CFAP69: variants seen among roughly 807,000 people sequenced by gnomAD.
CFAP69 encodes cilia and flagella associated protein 69.
A neutral mutation model predicts 123.0 loss-of-function variants in CFAP69; 92 were observed. The observed-to-expected ratio is 0.75, with a 90% CI of 0.63 to 0.89. The LOEUF (loss-of-function observed/expected upper bound fraction) is 0.89, where lower values mean the gene tolerates loss of function less well. CFAP69 is among the 40% of genes least tolerant of loss of function. The probability of loss-of-function intolerance (pLI) is 0.00; values close to 1 mark genes in which losing one functional copy is unlikely to be tolerated. For missense variants in CFAP69, 1,067 were observed against 1,096.9 expected (o/e 0.97, Z 0.39); for synonymous variants, 380 against 364.3 (o/e 1.04, Z -0.49).
chr7:90,261,082 ATT>A (rs372399718), intron 3 of CFAP69, among the ~76,000 whole-genome samples: 2 of 145,884 alleles, frequency 1.4e-5, no homozygotes. Flanking sequence ...TGCCAATAGG[ATT>A]TTTTTTTTTT....
chr7:90,317,501 T>C, the CFAP69 span: 2 of 152,042 alleles, frequency 1.3e-5, no homozygotes, highest in Non-Finnish European at 1.5e-5. Flanking sequence ...AGGAAATTAT[T>C]AGCCCTACAA....
In CFAP69 at chr7:90,245,304, G is replaced by T. The variant is rs1796193647; in HGVS notation, c.-121G>T. On this transcript the variant is annotated 5_prime_UTR_variant, in exon 1 of 23. Transcript: ENST00000389297. Reference sequence around the variant, plus strand: ...CTGGCGGAATTTTGGGACCTTTCGCGACTCTAGCGACTCTCAGGCTGCCTT... The same window carrying T: ...CTGGCGGAATTTTGGGACCTTTCGCTACTCTAGCGACTCTCAGGCTGCCTT... The T allele has an allele frequency of 1.5e-6, 2 of 1,347,174 alleles. No individual in the cohort carries two copies. The highest frequency in any genetic ancestry group is 1.8e-5 in the South Asian group (1 of 56,986). The allele number at this position is 1,347,174 out of a possible 1,614,324, so 83.5% of individuals were successfully genotyped here. A position where few individuals can be genotyped will look rare whatever the true frequency, so the allele number is the denominator to read the frequency against.
chr7:90,275,664 C>T (rs1788500832), intron 9 of CFAP69, among the ~76,000 whole-genome samples: 1 of 128,086 alleles, frequency 7.8e-6, no homozygotes, highest in Non-Finnish European at 1.6e-5. Flanking sequence ...TGCAGTGGCG[C>T]GATCTCAGCT....
Position 90,271,638 on chromosome 7 carries a change from T to C in CFAP69, c.645T>C (p.Leu215=), listed in dbSNP as rs1404925844. Reference sequence around the variant, plus strand: ...TTGAAAATCAACTTGTTGAGAAACTTTGGGTACTTAAAGTTCTGCAGCATC... The same window carrying C: ...TTGAAAATCAACTTGTTGAGAAACTCTGGGTACTTAAAGTTCTGCAGCATC... The part of the protein sequence containing the change: ...TLLENQLVEK[L]WVLKVLQHLS... Residue 215 remains leucine (L), a synonymous_variant, in exon 7 of 23, where the codon CTT becomes CTC. Transcript: ENST00000389297. 1 of 1,613,512 alleles carries C rather than the reference T, an allele frequency of 6.2e-7. No individual in the cohort carries two copies. The highest frequency in any genetic ancestry group is 8.5e-7 in the Non-Finnish European group (1 of 1,179,666).
chr7:90,265,729 TAATATTG>T (rs1408414984), intron 5 of CFAP69, among the ~76,000 whole-genome samples: 1 of 152,216 alleles, frequency 6.6e-6, no homozygotes, highest in Non-Finnish European at 1.5e-5. Flanking sequence ...CTTTGAACTC[TAATATTG>T]AATTGCTGCA....
chr7:90,299,732 T>A, intron 16 of CFAP69, 135 bp from the exon 17 acceptor site: 1 of 683,940 alleles, frequency 1.5e-6, no homozygotes, highest in South Asian at 2.3e-5. Flanking sequence ...GGTGTCCATT[T>A]TAACAGGAGA....
At chr7:90,314,437 A>G (rs1794590410), downstream of CFAP69, among the ~76,000 whole-genome samples, 1 of 152,124 alleles carries the variant, frequency 6.6e-6, no homozygotes, top group African/African-American at 2.4e-5. Flanking sequence ...AGCTTGGGCA[A>G]TGGAGTGCAA....
At chr7:90,274,325 A>G (rs1469002253) in intron 9 of CFAP69, among the ~76,000 whole-genome samples, 2 of 152,166 alleles carry the variant, frequency 1.3e-5, no homozygotes, top group African/African-American at 4.8e-5. Context: ...TGATTTATAC[A>G]TGTATTTACC....
chr7:90,293,828 A>G (rs188175881), intron 15 of CFAP69, among the ~76,000 whole-genome samples: 152 of 152,282 alleles, frequency 1.0e-3, no homozygotes, highest in African/African-American at 3.2e-3. Context: ...ATCTTATTCC[A>G]TGTGTCCCAG....
At position 90,258,113 on chromosome 7, in the gene CFAP69, A is replaced by G. The variant is rs758134874; in HGVS notation, c.196A>G (p.Lys66Glu). The change falls in exon 3 of 23, where the codon AAA (lysine) becomes GAA (glutamate). Residue 66 changes from lysine to glutamate, a missense_variant. Physicochemically the swap from Lys to Glu is moderately conservative, Grantham distance 56 (BLOSUM62 1). Transcript: ENST00000389297. ...TCTGTTTTAGGATGGCTTGGAAGAA[A>G]AACAACTTAAATTTGTCAAGAAACT... Reference protein sequence around the residue: ...EETDKDGLEEKQLKFVKKLVQ... With the variant: ...EETDKDGLEEEQLKFVKKLVQ... 1 of 1,611,734 alleles carries G rather than the reference A, an allele frequency of 6.2e-7. No homozygotes were observed. Among genetic ancestry groups the G allele is most frequent in the East Asian group, 2.2e-5 (1 of 44,740 alleles).
downstream of CFAP69, chr7:90,312,789 T>C (rs993491194): frequency 1.4e-4 from 21 of 152,320 alleles, no homozygotes; most frequent in African/African-American, 3.4e-4. Context: ...TATATTTTCT[T>C]ACATTAGTCA....
In CFAP69 at chr7:90,252,445, A is replaced by G. The variant is rs565160009; in HGVS notation, c.121-2978A>G. Reference sequence around the variant, plus strand: ...AACTTTGGGAGGCTGAGACTGGCAGATTGCTTGAGCCCAGGCATTCCAGAA... The same window carrying G: ...AACTTTGGGAGGCTGAGACTGGCAGGTTGCTTGAGCCCAGGCATTCCAGAA... On this transcript the variant is annotated intron_variant, in intron 1 of 22. Transcript: ENST00000389297. Among the ~76,000 whole-genome samples the G allele has an allele frequency of 5.3e-5, 8 of 152,254 alleles. No individual in the cohort carries two copies. In the South Asian group the frequency reaches 1.5e-3, roughly 28 times the overall value.
chr7:90,277,109 A>G lies in CFAP69; in HGVS notation c.1021A>G (p.Thr341Ala). The change falls in exon 10 of 23, where the codon ACC (threonine) becomes GCC (alanine). Residue 341 changes from threonine to alanine, a missense_variant. Thr to Ala is a moderately conservative substitution (Grantham distance 58). Coordinates refer to ENST00000389297, the MANE Select transcript of CFAP69 (RefSeq NM_001039706.3). ...GFTKDLILFATFNEVKSQNLL... is the reference protein window; with the variant it reads ...GFTKDLILFAAFNEVKSQNLL... ...TACCAAGGATTTGATACTGTTTGCC[A>G]CCTTTAATGAAGGTAAAAAGAATAA... 1.3e-6 allele frequency: 2 copies of G among 1,579,238 alleles called. No individual in the cohort carries two copies. The highest frequency in any genetic ancestry group is 1.7e-6 in the Non-Finnish European group (2 of 1,161,798).
At chr7:90,313,161 G>C (rs1794469223), downstream of CFAP69, among the ~76,000 whole-genome samples, 1 of 152,124 alleles carries the variant, frequency 6.6e-6, no homozygotes, top group Admixed American at 6.5e-5. Context: ...TGATAATGTA[G>C]TTTCTAGAAT....
Position 90,309,268 on chromosome 7 carries a change from AAAAAGCCTTC to A in CFAP69, c.2559_2568del (p.Ser854LysfsTer4). Reference sequence around the variant, plus strand: ...TCTAATTTAAAAATCCTCAGAAAGCAAAAAGCCTTCAAGAAAAAGCTATAGAAGCCTCCAG... The same window carrying A: ...TCTAATTTAAAAATCCTCAGAAAGCAAAGAAAAAGCTATAGAAGCCTCCAG... On this transcript the variant is annotated frameshift_variant, in exon 22 of 23. Coordinates refer to ENST00000389297, the MANE Select transcript of CFAP69 (RefSeq NM_001039706.3). LOFTEE classifies it high-confidence loss of function. 6.7e-7 allele frequency: 1 copy of A among 1,502,912 alleles called. No individual in the cohort carries two copies. Among genetic ancestry groups the A allele is most frequent in the Non-Finnish European group, 9.0e-7 (1 of 1,114,166 alleles). The allele number at this position is 1,502,912 out of a possible 1,614,324, so 93.1% of individuals were successfully genotyped here. A position where few individuals can be genotyped will look rare whatever the true frequency, so the allele number is the denominator to read the frequency against.
Position 90,245,552 on chromosome 7 carries a change from C to T in CFAP69, c.120+8C>T. On this transcript the variant is annotated splice_region_variant and intron_variant, in intron 1 of 22. Coordinates refer to ENST00000389297, the MANE Select transcript of CFAP69 (RefSeq NM_001039706.3). ...GAGGACGATGAGGCGCAGGTATGAGCAGGTGTCTGTGCTTTCAGAGGTGGA... is the reference window on the plus strand; with the variant it reads ...GAGGACGATGAGGCGCAGGTATGAGTAGGTGTCTGTGCTTTCAGAGGTGGA... The T allele has an allele frequency of 6.7e-7, 1 of 1,481,964 alleles. No homozygotes were observed. The allele number at this position is 1,481,964 out of a possible 1,614,324, so 91.8% of individuals were successfully genotyped here. A position where few individuals can be genotyped will look rare whatever the true frequency, so the allele number is the denominator to read the frequency against.
chr7:90,262,961 T>C (rs1463585870), intron 4 of CFAP69, among the ~76,000 whole-genome samples: 2 of 152,118 alleles, frequency 1.3e-5, no homozygotes, highest in Admixed American at 6.5e-5. Flanking sequence ...CCTTGCTTTT[T>C]AATAGACAGG....
intron 12 of CFAP69, among the ~76,000 whole-genome samples, chr7:90,281,309 T>TG (rs1789455325): frequency 6.6e-6 from 1 of 152,198 alleles, no homozygotes; most frequent in Non-Finnish European, 1.5e-5. Flanking sequence ...TCAACTTTTT[T>TG]TTTTTTTAGC....
chr7:90,286,947 G>T (rs1790373417), intron 14 of CFAP69, among the ~76,000 whole-genome samples: 1 of 151,160 alleles, frequency 6.6e-6, no homozygotes, highest in Non-Finnish European at 1.5e-5. Context: ...AATTAGCCAG[G>T]CGTTGTGGTG....
Sources: gnomAD v4.1 joint callset for allele counts (sites outside exome capture counted in the v4.1 genomes callset) on GRCh38, gnomAD v4.1.1 for gene constraint, MANE v1.5 for transcripts, NCBI Gene and HGNC (gene_info 2026-07-23, HGNC 2026-07-21) for gene names.